Variants in DMD observed in about 807,000 individuals in gnomAD.
DMD encodes the protein dystrophin, also known as mutant dystrophin.
Under a neutral mutation model 330.1 loss-of-function variants are expected in DMD, and 63 were observed. The observed-to-expected ratio is 0.19, with a 90% CI of 0.16 to 0.24. DMD has a LOEUF of 0.24. Among genes scored for constraint, DMD ranks in the 10% least tolerant of loss-of-function variants. The probability of loss-of-function intolerance (pLI) is 1.00; values close to 1 mark genes in which losing one functional copy is unlikely to be tolerated. For missense variants in DMD, 3,344 were observed against 2,684.1 expected, an observed-to-expected ratio of 1.25 and a Z score of -5.43; for synonymous variants, 1,223 against 959.8, an observed-to-expected ratio of 1.27 and a Z score of -5.07.
chrX:32,252,309 C>T lies in DMD; in HGVS notation c.6290+35220G>A, dbSNP rs751618691. Among the ~76,000 whole-genome samples the T allele has an allele frequency of 1.1e-4, 12 of 110,206 alleles. No individual in the cohort carries two copies. The South Asian group carries it at 4.6e-3, about 42-fold the overall frequency. ...ATAATTACTCTCAGTCTCTAGACTGCAGCATTTCTTTTTGTTAGAATATCT... is the reference window on the plus strand; with the variant it reads ...ATAATTACTCTCAGTCTCTAGACTGTAGCATTTCTTTTTGTTAGAATATCT... On this transcript the variant is annotated intron_variant, in intron 43 of 78. Coordinates refer to ENST00000357033, the MANE Select transcript of DMD (RefSeq NM_004006.3).
chrX:31,379,624 A>T (rs2060056667), intron 60 of DMD, among the ~76,000 whole-genome samples: 1 of 112,198 alleles, frequency 8.9e-6, no homozygotes, highest in Non-Finnish European at 1.9e-5. Flanking sequence ...AATAAAGTAG[A>T]GGCAGCCAAG....
chrX:31,597,158 T>C (rs994976867), intron 55 of DMD, among the ~76,000 whole-genome samples: 1 of 112,172 alleles, frequency 8.9e-6, no homozygotes, highest in East Asian at 2.8e-4. Flanking sequence ...GGGGTTATAA[T>C]AGTTCTGCTT....
intron 18 of DMD, among the ~76,000 whole-genome samples, chrX:32,511,530 A>G (rs1286406816): frequency 9.5e-6 from 1 of 105,742 alleles, no homozygotes; most frequent in Non-Finnish European, 1.9e-5. Flanking sequence ...TCGGGAAAAA[A>G]AAAAAAAAAA....
At chrX:32,098,791 T>C (rs1265214578) in intron 44 of DMD, among the ~76,000 whole-genome samples, 8 of 112,495 alleles carry the variant, frequency 7.1e-5, no homozygotes, top group Non-Finnish European at 1.5e-4. Context: ...ATGCAACTTA[T>C]GTTTTCATGA....
chrX:31,508,352 C>G, intron 55 of DMD: 2 of 929,433 alleles, frequency 2.2e-6, no homozygotes, highest in Non-Finnish European at 3.0e-6. Context: ...ATTCTGTTGA[C>G]AGAATGAATT....
At chrX:32,281,643 A>C (rs1382005747) in intron 43 of DMD, among the ~76,000 whole-genome samples, 1 of 111,599 alleles carries the variant, frequency 9.0e-6, no homozygotes, top group Non-Finnish European at 1.9e-5. Context: ...AAAGTGCCTA[A>C]TTTTTTAGTT....
intron 17 of DMD, among the ~76,000 whole-genome samples, chrX:32,539,535 C>T (rs777005887): frequency 1.4e-4 from 15 of 110,111 alleles, no homozygotes; most frequent in Middle Eastern, 9.3e-3. Context: ...AAAAAGTTCA[C>T]GGACACATTA....
At chrX:32,101,601 T>G (rs1359398117) in intron 44 of DMD, among the ~76,000 whole-genome samples, 1 of 112,207 alleles carries the variant, frequency 8.9e-6, no homozygotes, top group Non-Finnish European at 1.9e-5. Flanking sequence ...TTTTCCCATT[T>G]CTTGAAAAGA....
At chrX:32,725,295 A>C (rs1228441955) in intron 7 of DMD, among the ~76,000 whole-genome samples, 1 of 111,088 alleles carries the variant, frequency 9.0e-6, no homozygotes, top group Non-Finnish European at 1.9e-5. Context: ...GATCATAGTC[A>C]CTTATGAAAT....
chrX:33,034,512 C>T (rs1267181056), intron 1 of DMD, among the ~76,000 whole-genome samples: 1 of 112,026 alleles, frequency 8.9e-6, no homozygotes, highest in Non-Finnish European at 1.9e-5. Flanking sequence ...CCCACTTGAA[C>T]CCTGGCTCTA....
intron 16 of DMD, among the ~76,000 whole-genome samples, chrX:32,557,110 GTAAGTACTAA>G (rs2050387355): frequency 9.0e-6 from 1 of 111,231 alleles, no homozygotes; most frequent in African/African-American, 3.3e-5. Context: ...GGCCCTAAGA[GTAAGTACTAA>G]TATTATTCCT....
At chrX:31,296,381 G>A (rs1030749981) in intron 62 of DMD, among the ~76,000 whole-genome samples, 1 of 111,606 alleles carries the variant, frequency 9.0e-6, no homozygotes, top group Non-Finnish European at 1.9e-5. Context: ...AAGGCTCAAC[G>A]TTTTCTATTT....
intron 15 of DMD, among the ~76,000 whole-genome samples, chrX:32,566,107 G>C (rs1392890926): frequency 1.8e-5 from 2 of 112,054 alleles, no homozygotes; most frequent in Non-Finnish European, 3.8e-5. Context: ...CTCAAACGTA[G>C]AATAAAGACC....
chrX:31,464,398 A>G (rs2066719638), intron 59 of DMD, among the ~76,000 whole-genome samples: 1 of 112,428 alleles, frequency 8.9e-6, no homozygotes, highest in African/African-American at 3.2e-5. Context: ...TCCTTTTCCA[A>G]CTGTTCTAAA....
intron 51 of DMD, among the ~76,000 whole-genome samples, chrX:31,745,620 C>T (rs2087763291): frequency 8.9e-6 from 1 of 111,859 alleles, no homozygotes; most frequent in South Asian, 3.7e-4. Flanking sequence ...ATAATAACTC[C>T]ACTGCACACA....
Position 32,881,093 on chromosome X carries a change from G to A in DMD, c.94-31273C>T, listed in dbSNP as rs533052604. 9.8e-5 allele frequency among the ~76,000 whole-genome samples: 11 copies of A among 112,537 alleles called. No individual in the cohort carries two copies. The South Asian group carries it at 3.6e-3, about 37-fold the overall frequency. On this transcript the variant is annotated intron_variant, in intron 2 of 78. Coordinates refer to ENST00000357033, the MANE Select transcript of DMD (RefSeq NM_004006.3). ...TGAAGCAGAAACCACGAAGGCAGCT[G>A]GCAAAAAATACCAGAGTAAGTACAG...
intron 43 of DMD, among the ~76,000 whole-genome samples, chrX:32,251,741 G>A (rs2097264347): frequency 9.0e-6 from 1 of 111,357 alleles, no homozygotes; most frequent in South Asian, 3.8e-4. Flanking sequence ...AGGATGAGGC[G>A]GGAGGATTGC....
rs61677647 is a variant in DMD, at chrX:31,833,359, A to AAGAGAGAGAGAG, written c.7200+3347_7200+3358dup. ...GAGAGAGTGGAGAGGGAGGGAGGGAAAGAGAGAGAGAGAGAGAGAGAGACA... is the reference window on the plus strand; with the variant it reads ...GAGAGAGTGGAGAGGGAGGGAGGGAAAGAGAGAGAGAGAGAGAGAGAGAGAGAGAGAGAGACA... On this transcript the variant is annotated intron_variant, in intron 49 of 78. Transcript: ENST00000357033. Among the ~76,000 whole-genome samples the AAGAGAGAGAGAG allele has an allele frequency of 1.6e-4, 8 of 50,459 alleles. 1 individual carries two copies. The East Asian group carries it at 2.0e-3, about 13-fold the overall frequency. 43.8% of individuals were successfully genotyped at this position (50,459 alleles called of 115,157 possible).
chrX:32,226,963 ATT>A (rs2147941112), intron 43 of DMD, among the ~76,000 whole-genome samples: 1 of 109,217 alleles, frequency 9.2e-6, no homozygotes, highest in East Asian at 2.9e-4. Flanking sequence ...AAGATAAATA[ATT>A]TAGCAAGTTC....
Sources: gnomAD v4.1 joint callset for allele counts (sites outside exome capture counted in the v4.1 genomes callset) on GRCh38, gnomAD v4.1.1 for gene constraint, MANE v1.5 for transcripts, NCBI Gene and HGNC (gene_info 2026-07-23, HGNC 2026-07-21) for gene names.